The following HDAC9 variants were observed in gnomAD, a reference collection of about 807,000 sequenced individuals.
The protein encoded by HDAC9 is MEF-2 interacting transcription repressor (MITR) protein.
In HDAC9, 41 loss-of-function variants were observed where a neutral mutation model predicts 139.4. That is an observed-to-expected ratio of 0.29 (90% CI 0.23 to 0.38). The LOEUF (loss-of-function observed/expected upper bound fraction) is 0.38. Among genes scored for constraint, HDAC9 ranks in the 10% least tolerant of loss-of-function variants. HDAC9 has a pLI of 1.00. For synonymous variants in HDAC9, 517 were observed against 476.2 expected, an observed-to-expected ratio of 1.09 and a Z score of -1.12; for missense variants, 1,147 against 1,297.0, an observed-to-expected ratio of 0.88 and a Z score of 1.78.
intron 2 of HDAC9, among the ~76,000 whole-genome samples, chr7:18,276,756 G>A (rs1241301890): frequency 6.6e-6 from 1 of 152,056 alleles, no homozygotes; most frequent in Non-Finnish European, 1.5e-5. Flanking sequence ...GCCTTTCTTC[G>A]TGAGCCAAAT....
At chr7:18,993,915 G>C (rs1786231387) in intron 25 of HDAC9, among the ~76,000 whole-genome samples, 1 of 152,190 alleles carries the variant, frequency 6.6e-6, no homozygotes, top group African/African-American at 2.4e-5. Flanking sequence ...AAAAAAAAGA[G>C]GTCAATATAA....
chr7:18,166,458 T>G (rs1404393950), intron 2 of HDAC9, among the ~76,000 whole-genome samples: 1 of 152,246 alleles, frequency 6.6e-6, no homozygotes, highest in African/African-American at 2.4e-5. Flanking sequence ...TTAAGAGATT[T>G]ATCTTCATGC....
chr7:18,735,778 A>G (rs924475759), intron 13 of HDAC9, among the ~76,000 whole-genome samples: 1 of 152,146 alleles, frequency 6.6e-6, no homozygotes, highest in Non-Finnish European at 1.5e-5. Flanking sequence ...AAGAAAGTCA[A>G]TAGTAGCTTG....
intron 12 of HDAC9, among the ~76,000 whole-genome samples, chr7:18,673,853 G>A (rs1274797772): frequency 1.3e-5 from 2 of 151,960 alleles, no homozygotes; most frequent in African/African-American, 4.8e-5. Context: ...GCATCTGAAT[G>A]GTTTAAGGGT....
intron 23 of HDAC9, among the ~76,000 whole-genome samples, chr7:18,936,930 TA>T (rs1305509832): frequency 2.0e-5 from 3 of 152,246 alleles, no homozygotes; most frequent in Admixed American, 2.0e-4. Flanking sequence ...TCCATATGAT[TA>T]TTTTTCATAT....
intron 1 of HDAC9, among the ~76,000 whole-genome samples, chr7:18,407,166 C>T (rs1308923783): frequency 3.3e-5 from 5 of 152,100 alleles, no homozygotes; most frequent in African/African-American, 1.2e-4. Flanking sequence ...TCTTATTTAT[C>T]TCTCAGTCTG....
At chr7:18,906,331 G>T (rs542721235) in intron 22 of HDAC9, among the ~76,000 whole-genome samples, 1 of 151,984 alleles carries the variant, frequency 6.6e-6, no homozygotes, top group South Asian at 2.1e-4. Flanking sequence ...TTTTAGTAGA[G>T]ACAGGGTTTC....
At chr7:18,765,055 C>T (rs987537564) in intron 15 of HDAC9, among the ~76,000 whole-genome samples, 13 of 152,148 alleles carry the variant, frequency 8.5e-5, no homozygotes, top group African/African-American at 2.9e-4. Context: ...ATTCCTGTCG[C>T]TCTTATGACC....
intron 1 of HDAC9, among the ~76,000 whole-genome samples, chr7:18,115,626 C>G (rs534436552): frequency 6.6e-6 from 1 of 152,174 alleles, no homozygotes; most frequent in African/African-American, 2.4e-5. Flanking sequence ...ATGTTCAAAT[C>G]GGTTATTTGA....
chr7:18,990,607 C>G (rs1410479122), intron 25 of HDAC9, among the ~76,000 whole-genome samples: 1 of 152,190 alleles, frequency 6.6e-6, no homozygotes, highest in Non-Finnish European at 1.5e-5. Flanking sequence ...CTTTGTTTAC[C>G]TAAGCAAGGC....
At chr7:18,747,390 A>C (rs1562908897) in intron 13 of HDAC9, among the ~76,000 whole-genome samples, 1 of 152,220 alleles carries the variant, frequency 6.6e-6, no homozygotes, top group Admixed American at 6.5e-5. Context: ...AGGAGAATGA[A>C]TAATTCAAGA....
intron 7 of HDAC9, among the ~76,000 whole-genome samples, chr7:18,631,375 C>T (rs1230323883): frequency 1.3e-5 from 2 of 151,974 alleles, no homozygotes; most frequent in Non-Finnish European, 2.9e-5. Context: ...CGCACTTACT[C>T]GAAATGTCTT....
chr7:18,620,759 C>G (rs181748044), intron 6 of HDAC9, among the ~76,000 whole-genome samples: 13 of 152,210 alleles, frequency 8.5e-5, no homozygotes, highest in Admixed American at 7.2e-4. Context: ...CTGTTACTTA[C>G]GGCCCCGATA....
intron 23 of HDAC9, among the ~76,000 whole-genome samples, chr7:18,937,637 C>T (rs1290096946): frequency 6.6e-6 from 1 of 152,042 alleles, no homozygotes; most frequent in Admixed American, 6.6e-5. Context: ...TCTGAAATCA[C>T]TTATTTGATT....
At chr7:18,144,051 T>G (rs1339289073) in intron 1 of HDAC9, among the ~76,000 whole-genome samples, 1 of 152,072 alleles carries the variant, frequency 6.6e-6, no homozygotes, top group Non-Finnish European at 1.5e-5. Context: ...TCACACCTGG[T>G]TTTGATTTTA....
intron 6 of HDAC9, among the ~76,000 whole-genome samples, chr7:18,595,654 T>C (rs3814993): frequency 0.28 from 42,426 of 151,874 alleles, 6,228 homozygotes; most frequent in African/African-American, 0.37. Context: ...ATGAGTGATA[T>C]AGTTACATTC....
intron 1 of HDAC9, among the ~76,000 whole-genome samples, chr7:18,296,474 A>G (rs530544267): frequency 1.3e-5 from 2 of 152,120 alleles, no homozygotes; most frequent in East Asian, 3.9e-4. Flanking sequence ...GATACCTATA[A>G]CTAACGCAGG....
chr7:18,123,991 A>C (rs907143535), intron 1 of HDAC9, among the ~76,000 whole-genome samples: 4 of 152,204 alleles, frequency 2.6e-5, no homozygotes, highest in Admixed American at 2.6e-4. Context: ...CTTACTAAAT[A>C]GGAAACTATT....
At chr7:18,626,525 C>T (rs1365871009) in intron 6 of HDAC9, among the ~76,000 whole-genome samples, 1 of 152,164 alleles carries the variant, frequency 6.6e-6, no homozygotes, top group Non-Finnish European at 1.5e-5. Flanking sequence ...TTCATCCAGG[C>T]ATCTATTTGA....
Sources: gnomAD v4.1 joint callset for allele counts (sites outside exome capture counted in the v4.1 genomes callset) on GRCh38, gnomAD v4.1.1 for gene constraint, MANE v1.5 for transcripts, NCBI Gene and HGNC (gene_info 2026-07-23, HGNC 2026-07-21) for gene names.